Variants in TRIP12 observed in about 807,000 individuals in gnomAD.
The protein encoded by TRIP12 is thyroid hormone receptor interactor 12, also known as E3 ubiquitin-protein ligase TRIP12.
A neutral mutation model predicts 244.2 loss-of-function variants in TRIP12; 25 were observed. The observed-to-expected ratio is 0.10, with a 90% CI of 0.07 to 0.14. The LOEUF is 0.14. Ranked by LOEUF, TRIP12 falls within the 10% of genes least tolerant of loss-of-function variation. TRIP12 has a pLI of 1.00. For missense variants in TRIP12, 1,677 were observed against 2,486.4 expected, an observed-to-expected ratio of 0.67 and a Z score of 6.92; for synonymous variants, 905 against 873.1, an observed-to-expected ratio of 1.04 and a Z score of -0.64.
Position 229,789,649 on chromosome 2 carries a change from A to G in TRIP12, c.4657T>C (p.Leu1553=), listed in dbSNP as rs748933014. ...TACCAGTATCGACTGATAGCATGTA[A>G]AACTCTTAAAAGAAGGATCACATCT... The part of the protein sequence containing the change: ...SLDVILLLRV[L]HAISRYWYYL... The change falls in exon 31 of 42, where the codon TTA becomes CTA. Residue 1553 remains leucine (L), a synonymous_variant. Transcript: ENST00000675903. The G allele has an allele frequency of 6.2e-7, 1 of 1,614,054 alleles. No homozygotes were observed. The highest frequency in any genetic ancestry group is 8.5e-7 in the Non-Finnish European group (1 of 1,179,958).
At chr2:229,890,839 G>T (rs1025604541) in intron 1 of TRIP12, among the ~76,000 whole-genome samples, 1 of 152,150 alleles carries the variant, frequency 6.6e-6, no homozygotes, top group African/African-American at 2.4e-5. Context: ...ATAAGTAGAT[G>T]CCAAAGACTG....
At chr2:229,807,506 T>A in intron 17 of TRIP12, 1 of 621,724 alleles carries the variant, frequency 1.6e-6, no homozygotes, top group Admixed American at 2.7e-5. Flanking sequence ...ATCAGGTAGT[T>A]AGCAGCAGAA....
intron 1 of TRIP12, among the ~76,000 whole-genome samples, chr2:229,917,163 G>A (rs1433625017): frequency 2.0e-5 from 3 of 151,838 alleles, no homozygotes; most frequent in South Asian, 2.1e-4. Context: ...GGTGGATCAC[G>A]AGGTCAGGAA....
chr2:229,764,892 A>G lies in TRIP12; in HGVS notation c.*2662T>C, dbSNP rs1381391960. ...GCTAGTGAAAGTTCTGTCACTACAAATGCAGGGAACCAGAGACAAGCATGA... is the reference window on the plus strand; with the variant it reads ...GCTAGTGAAAGTTCTGTCACTACAAGTGCAGGGAACCAGAGACAAGCATGA... On this transcript the variant is annotated 3_prime_UTR_variant, in exon 42 of 42. Coordinates refer to ENST00000675903, the MANE Select transcript of TRIP12 (RefSeq NM_001348323.3). The G allele has an allele frequency of 6.6e-6, 1 of 152,222 alleles. No individual in the cohort carries two copies. The highest frequency in any genetic ancestry group is 1.5e-5 in the Non-Finnish European group (1 of 68,036). The allele number at this position is 152,222 out of a possible 1,614,324, so 9.4% of individuals were successfully genotyped here.
intron 4 of TRIP12, among the ~76,000 whole-genome samples, chr2:229,845,080 T>C (rs148951970): frequency 1.4e-3 from 211 of 152,268 alleles, no homozygotes; most frequent in Admixed American, 3.3e-3. Context: ...CTTCCTTAAA[T>C]GTTGATATAT....
intron 2 of TRIP12, among the ~76,000 whole-genome samples, chr2:229,864,139 A>G (rs1276888570): frequency 6.8e-6 from 1 of 148,048 alleles, no homozygotes; most frequent in Admixed American, 6.7e-5. Flanking sequence ...GGTATTCCTG[A>G]AAAAAAAACT....
At chr2:229,863,246 G>GA (rs2060768665) in intron 2 of TRIP12, among the ~76,000 whole-genome samples, 1 of 133,154 alleles carries the variant, frequency 7.5e-6, no homozygotes. Flanking sequence ...AAAAAAGAAA[G>GA]AAAGAAAAAA....
chr2:229,915,746 T>A (rs1236321445), intron 1 of TRIP12, among the ~76,000 whole-genome samples: 1 of 151,254 alleles, frequency 6.6e-6, no homozygotes, highest in Non-Finnish European at 1.5e-5. Context: ...CAGGCTGGAG[T>A]GCAGTGGCAC....
At chr2:229,785,698 T>C (rs1438249329) in intron 34 of TRIP12, 59 bp downstream of exon 34, 2 of 1,485,354 alleles carry the variant, frequency 1.3e-6, no homozygotes, top group African/African-American at 2.8e-5. Flanking sequence ...GAAACTCAAA[T>C]AACATTTAAT....
intron 1 of TRIP12, chr2:229,900,700 A>G (rs2154369329): frequency 6.6e-6 from 1 of 152,088 alleles, no homozygotes; most frequent in Non-Finnish European, 1.5e-5. Flanking sequence ...TGTCTCTACT[A>G]AAAATACAAA....
At chr2:229,896,597 G>C (rs2068900731) in intron 1 of TRIP12, among the ~76,000 whole-genome samples, 1 of 152,134 alleles carries the variant, frequency 6.6e-6, no homozygotes, top group Non-Finnish European at 1.5e-5. Flanking sequence ...GGGTGACAGA[G>C]CAAGACTCCG....
chr2:229,788,937 C>A lies in TRIP12; in HGVS notation c.4699G>T (p.Ala1567Ser). The A allele has an allele frequency of 1.3e-6, 2 of 1,599,580 alleles. No individual in the cohort carries two copies. The highest frequency in any genetic ancestry group is 1.4e-5 in the African/African-American group (1 of 73,932). ...GTTGGAATAATTTCCTTGCACATTG[C>A]ATTCTGTAAAATGTTTAAAAAAAAA... ...SRYWYYLYDN[A>S]MCKEIIPTSE... Residue 1567 changes from alanine to serine, a missense_variant, in exon 32 of 42, where the codon GCA becomes TCA. Physicochemically the swap from Ala to Ser is moderately conservative, Grantham distance 99 (BLOSUM62 1). Transcript: ENST00000675903.
At chr2:229,812,194 G>A (rs978693547) in intron 13 of TRIP12, among the ~76,000 whole-genome samples, 4 of 152,036 alleles carry the variant, frequency 2.6e-5, no homozygotes, top group South Asian at 2.1e-4. Context: ...GAGATCAAGC[G>A]ATCCTCCTGC....
intron 6 of TRIP12, among the ~76,000 whole-genome samples, chr2:229,832,125 T>C (rs1393630103): frequency 6.6e-6 from 1 of 152,184 alleles, no homozygotes; most frequent in African/African-American, 2.4e-5. Context: ...TCACACACCA[T>C]TAAGTATTTT....
At chr2:229,922,430 A>G (rs927972768), upstream of TRIP12, 2 of 1,347,550 alleles carry the variant, frequency 1.5e-6, no homozygotes, top group African/African-American at 2.9e-5. Flanking sequence ...GCGTGGTTCA[A>G]TTTAAACTAG....
At chr2:229,872,816 C>T (rs1348013647) in intron 2 of TRIP12, among the ~76,000 whole-genome samples, 1 of 152,164 alleles carries the variant, frequency 6.6e-6, no homozygotes, top group East Asian at 1.9e-4. Context: ...ACTTTCCTAA[C>T]CAGTGTATGT....
chr2:229,903,870 A>G (rs2071836611), intron 1 of TRIP12, among the ~76,000 whole-genome samples: 1 of 150,684 alleles, frequency 6.6e-6, no homozygotes. Flanking sequence ...AAAATACAAA[A>G]AAAAAAAAAA....
chr2:229,834,913 A>G (rs1354400460), intron 6 of TRIP12, among the ~76,000 whole-genome samples: 1 of 152,216 alleles, frequency 6.6e-6, no homozygotes, highest in Non-Finnish European at 1.5e-5. Flanking sequence ...TTATTTCCAA[A>G]TAAATGTTTC....
intron 29 of TRIP12, 183 bp downstream of exon 29, chr2:229,791,683 A>AT (rs1413961992): frequency 3.2e-6 from 2 of 618,522 alleles, no homozygotes; most frequent in African/African-American, 3.7e-5. Context: ...GGTAGAATGA[A>AT]TGAGGAGGCT....
Sources: allele counts gnomAD v4.1 joint callset (sites outside exome capture counted in the v4.1 genomes callset), GRCh38; gene constraint gnomAD v4.1.1; transcripts MANE v1.5; gene names NCBI Gene and HGNC (gene_info 2026-07-23, HGNC 2026-07-21).